KAZN: variants seen among roughly 807,000 people sequenced by gnomAD.
KAZN encodes the protein kazrin.
Under a neutral mutation model 87.4 loss-of-function variants are expected in KAZN, and 40 were observed. The ratio of observed to expected loss-of-function variants is 0.46; its 90% confidence interval spans 0.36 to 0.60. KAZN has a LOEUF of 0.60. KAZN is among the 20% of genes least tolerant of loss of function. KAZN has a pLI of 0.00. For synonymous variants in KAZN, 466 were observed against 458.3 expected (o/e 1.02, Z -0.22); for missense variants, 898 against 1,073.9 (o/e 0.84, Z 2.29).
At chr1:14,190,910 A>G (rs1170254133) in intron 2 of KAZN, among the ~76,000 whole-genome samples, 1 of 152,216 alleles carries the variant, frequency 6.6e-6, no homozygotes, top group Non-Finnish European at 1.5e-5. Context: ...AGCAAGAGCT[A>G]GCTGACACAA....
chr1:14,751,391 C>A (rs192321347), intron 1 of KAZN, among the ~76,000 whole-genome samples: 1 of 152,328 alleles, frequency 6.6e-6, no homozygotes, highest in Admixed American at 6.5e-5. Context: ...ACCCTTCTTT[C>A]ATCACCATCT....
At position 14,009,506 on chromosome 1, in the gene KAZN, C is replaced by T. The variant is rs1386717075; in HGVS notation, c.91+115750C>T. ...TCTGTTTTTCTTTGATAATAGCCATCCTAATGAGTGTGATAGCTCACTTAA... is the reference window on the plus strand; with the variant it reads ...TCTGTTTTTCTTTGATAATAGCCATTCTAATGAGTGTGATAGCTCACTTAA... On this transcript the variant is annotated intron_variant, in intron 1 of 16. Transcript: ENST00000636203. Among the ~76,000 whole-genome samples the T allele has an allele frequency of 2.6e-5, 4 of 152,302 alleles. No individual in the cohort carries two copies. The South Asian group carries it at 6.2e-4, about 24-fold the overall frequency.
At chr1:14,278,170 CAAA>C (rs34057998) in intron 2 of KAZN, among the ~76,000 whole-genome samples, 3 of 55,872 alleles carry the variant, frequency 5.4e-5, no homozygotes, top group Admixed American at 2.1e-4. Flanking sequence ...AACTCTGTCT[CAAA>C]AAAAAAAAAA....
At chr1:14,070,176 A>AAAAAAAAAAAAAAAAAAAAG (rs1281627939) in intron 1 of KAZN, among the ~76,000 whole-genome samples, 2 of 150,276 alleles carry the variant, frequency 1.3e-5, no homozygotes, top group African/African-American at 4.9e-5. Flanking sequence ...TCAAAAAAAA[A>AAAAAAAAAAAAAAAAAAAAG]AAAAGTAAAT....
intron 3 of KAZN, among the ~76,000 whole-genome samples, chr1:15,037,852 A>T (rs181568867): frequency 6.6e-6 from 1 of 152,274 alleles, no homozygotes; most frequent in Non-Finnish European, 1.5e-5. Flanking sequence ...AAAGGAACCC[A>T]GACAAGTCCT....
At chr1:15,093,542 C>T (rs1382780084) in intron 8 of KAZN, among the ~76,000 whole-genome samples, 2 of 151,960 alleles carry the variant, frequency 1.3e-5, no homozygotes, top group African/African-American at 4.8e-5. Context: ...TTTGTCTGGC[C>T]CAGTGAATCT....
chr1:14,045,732 C>G (rs541250436), intron 1 of KAZN, among the ~76,000 whole-genome samples: 13 of 152,062 alleles, frequency 8.5e-5, no homozygotes, highest in Admixed American at 3.3e-4. Flanking sequence ...GCCTTAGTTT[C>G]CTCATCTGTA....
intron 2 of KAZN, among the ~76,000 whole-genome samples, chr1:14,548,980 G>A (rs949906660): frequency 1.3e-5 from 2 of 152,116 alleles, no homozygotes; most frequent in Admixed American, 6.5e-5. Flanking sequence ...ATCCATAACC[G>A]GCTTGCATAT....
At chr1:14,079,244 T>G (rs1352560027) in intron 1 of KAZN, among the ~76,000 whole-genome samples, 1 of 152,236 alleles carries the variant, frequency 6.6e-6, no homozygotes, top group African/African-American at 2.4e-5. Flanking sequence ...TGCCAGGCTC[T>G]TTAACTCTTT....
At chr1:14,028,539 C>T (rs1641184546) in intron 1 of KAZN, among the ~76,000 whole-genome samples, 2 of 152,120 alleles carry the variant, frequency 1.3e-5, no homozygotes. Flanking sequence ...TGTCCACAGC[C>T]CAGCTGGGTT....
In KAZN at chr1:14,184,927, G is replaced by A. The variant is rs1047758477; in HGVS notation, c.249+4335G>A. Among the ~76,000 whole-genome samples, 2 of 152,308 alleles carry A rather than the reference G, an allele frequency of 1.3e-5. No individual in the cohort carries two copies. The highest frequency in any genetic ancestry group is 3.4e-3 in the Middle Eastern group (1 of 294). On this transcript the variant is annotated intron_variant, in intron 2 of 16. Coordinates refer to the KAZN transcript ENST00000636203. The surrounding 1 kb of genome is among the most constrained non-coding windows in gnomAD (Gnocchi z 4.2). ...GTTACTAGCACTTTCCATCCCTCCA[G>A]ATTCTTTCCGAAGTTGATACTGTGG... is the stretch of plus-strand genomic sequence containing the variant.
chr1:14,557,910 T>C (rs903792433), intron 2 of KAZN, among the ~76,000 whole-genome samples: 1 of 142,376 alleles, frequency 7.0e-6, no homozygotes, highest in Non-Finnish European at 1.6e-5. Flanking sequence ...AACCAGCCAG[T>C]GCACTAATAT....
At chr1:13,940,465 C>T (rs1231612866) in intron 1 of KAZN, among the ~76,000 whole-genome samples, 2 of 152,132 alleles carry the variant, frequency 1.3e-5, no homozygotes, top group African/African-American at 4.8e-5. Context: ...TTTTATCTTT[C>T]TGTGGTGTCA....
chr1:14,801,274 G>A (rs866866039), intron 1 of KAZN, among the ~76,000 whole-genome samples: 29 of 152,252 alleles, frequency 1.9e-4, no homozygotes, highest in Middle Eastern at 3.4e-3. Flanking sequence ...GGAAATGTGC[G>A]TCTCTCCTGA....
In KAZN at chr1:14,356,181, G is replaced by A. The variant is rs1007270420; in HGVS notation, c.249+175589G>A. 3.3e-5 allele frequency among the ~76,000 whole-genome samples: 5 copies of A among 152,320 alleles called. 1 individual carries two copies. In the South Asian group the frequency reaches 1.0e-3, roughly 32 times the overall value. ...TGTTTGCATTTCTCTCATGACCAGT[G>A]ATGACGAGCTTTTTTTCATGTGTTT... On this transcript the variant is annotated intron_variant, in intron 2 of 16. Transcript: ENST00000636203.
At chr1:14,604,567 A>G (rs898717769) in intron 1 of KAZN, among the ~76,000 whole-genome samples, 3 of 152,146 alleles carry the variant, frequency 2.0e-5, no homozygotes, top group African/African-American at 7.2e-5. Flanking sequence ...CTCTGTGGGC[A>G]CTCCTGCTAC....
chr1:14,065,158 T>A (rs980581945), intron 1 of KAZN, among the ~76,000 whole-genome samples: 5 of 152,174 alleles, frequency 3.3e-5, no homozygotes, highest in African/African-American at 1.2e-4. Flanking sequence ...TAGAATTTCA[T>A]CCAATGTTGC....
intron 1 of KAZN, among the ~76,000 whole-genome samples, chr1:14,012,809 G>A (rs1640376681): frequency 6.6e-6 from 1 of 152,168 alleles, no homozygotes; most frequent in Non-Finnish European, 1.5e-5. Context: ...AGTTTGGATG[G>A]CAAAGAGAGA....
chr1:14,882,307 A>G (rs760533566), intron 1 of KAZN, among the ~76,000 whole-genome samples: 1 of 152,228 alleles, frequency 6.6e-6, no homozygotes, highest in Non-Finnish European at 1.5e-5. Flanking sequence ...AAGTTTTGCT[A>G]GATATGCTTT....
Sources: gnomAD v4.1 joint callset for allele counts (sites outside exome capture counted in the v4.1 genomes callset) on GRCh38, gnomAD v4.1.1 for gene constraint, Gnocchi (gnomAD v3.1) non-coding constraint, MANE v1.5 for transcripts, NCBI Gene and HGNC (gene_info 2026-07-23, HGNC 2026-07-21) for gene names.